The following SLC28A2 variants were observed in gnomAD, a reference collection of about 807,000 sequenced individuals.
SLC28A2 encodes the protein sodium/nucleoside cotransporter 2.
Under a neutral mutation model 72.9 loss-of-function variants are expected in SLC28A2, and 69 were observed. That is an observed-to-expected ratio of 0.95 (90% CI 0.78 to 1.16). SLC28A2 has a LOEUF of 1.16. Ranked by LOEUF, SLC28A2 falls within the 50% of genes most tolerant of loss-of-function variation. The pLI, the probability that SLC28A2 is intolerant of heterozygous loss-of-function variation, is 0.00. For synonymous variants in SLC28A2, 296 were observed against 294.1 expected, an observed-to-expected ratio of 1.01 and a Z score of -0.07; for missense variants, 745 against 791.1, an observed-to-expected ratio of 0.94 and a Z score of 0.70.
At chr15:45,266,413 C>A (rs746398018) in intron 10 of SLC28A2, among the ~76,000 whole-genome samples, 4 of 152,126 alleles carry the variant, frequency 2.6e-5, no homozygotes, top group Admixed American at 2.6e-4. Flanking sequence ...ACACTTCCTA[C>A]GTAGGAATGT....
At chr15:45,258,071 A>G (rs937666310) in intron 3 of SLC28A2, among the ~76,000 whole-genome samples, 1 of 152,078 alleles carries the variant, frequency 6.6e-6, no homozygotes, top group Non-Finnish European at 1.5e-5. Flanking sequence ...TAAAAATACA[A>G]AAATATGTGG....
At chr15:45,265,713 C>A in intron 9 of SLC28A2, 50 bp downstream of exon 9, 3 of 1,288,898 alleles carry the variant, frequency 2.3e-6, no homozygotes, top group Non-Finnish European at 2.3e-6. Context: ...ATCCTGTCAT[C>A]AGTCAGCTTT....
chr15:45,275,517 T>G lies in SLC28A2; in HGVS notation c.*4T>G. The stretch of plus-strand genomic sequence containing the variant: ...CAACAATACCGTCTGTGCCTAAGGC[T>G]GCTTGATCTATTTCTATAACAGTTT... On this transcript the variant is annotated 3_prime_UTR_variant, in exon 18 of 18. Coordinates refer to ENST00000347644, the MANE Select transcript of SLC28A2 (RefSeq NM_004212.4). The G allele has an allele frequency of 1.3e-6, 2 of 1,540,728 alleles. No individual in the cohort carries two copies. The highest frequency in any genetic ancestry group is 1.7e-4 in the Middle Eastern group (1 of 5,920).
chr15:45,256,391 C>G (rs769456341), intron 3 of SLC28A2, among the ~76,000 whole-genome samples: 7 of 151,838 alleles, frequency 4.6e-5, no homozygotes, highest in Non-Finnish European at 8.8e-5. Context: ...ATTTGCCTTA[C>G]TTTCCATATT....
intron 17 of SLC28A2, among the ~76,000 whole-genome samples, chr15:45,274,020 G>A (rs1452424715): frequency 6.6e-6 from 1 of 151,992 alleles, no homozygotes; most frequent in Non-Finnish European, 1.5e-5. Flanking sequence ...TGAACTCCTG[G>A]ACTCAAGGGA....
At position 45,253,518 on chromosome 15, in the gene SLC28A2, G is replaced by C. The variant is rs1333114277; in HGVS notation, c.168G>C (p.Gln56His). Reference protein sequence around the residue: ...LGDGLGPSTYQRRSRWPFSKA... With the variant: ...LGDGLGPSTYHRRSRWPFSKA... ...ATGGACTGGGCCCTTCCACTTACCAGAGGTACTGGTGTTTTGGAATCTTGT... is the reference window on the plus strand; with the variant it reads ...ATGGACTGGGCCCTTCCACTTACCACAGGTACTGGTGTTTTGGAATCTTGT... The change falls in exon 3 of 18, where the codon CAG becomes CAC. Residue 56 changes from glutamine to histidine, a missense_variant and splice_region_variant. Coordinates refer to ENST00000347644, the MANE Select transcript of SLC28A2 (RefSeq NM_004212.4). 1 of 1,607,432 alleles carries C rather than the reference G, an allele frequency of 6.2e-7. No homozygotes were observed. The highest frequency in any genetic ancestry group is 1.1e-5 in the South Asian group (1 of 90,874).
chr15:45,264,832 G>A (rs1466508235), intron 7 of SLC28A2, 64 bp downstream of exon 7: 8 of 1,024,994 alleles, frequency 7.8e-6, no homozygotes, highest in Admixed American at 3.5e-5. Flanking sequence ...GATTTGAGAG[G>A]AGCATGAGAA....
rs773009665 is a variant in SLC28A2, at chr15:45,268,228, G to T, written c.1218G>T (p.Leu406=). The T allele has an allele frequency of 6.2e-7, 1 of 1,606,094 alleles. No homozygotes were observed. Among genetic ancestry groups the T allele is most frequent in the Admixed American group, 1.7e-5 (1 of 59,854 alleles). Reference sequence around the variant, plus strand: ...ACCACAGGAAGGAGAGGAATGTCCTGGAAGCTGCCAGCAACGGAGCCGTAG... The same window carrying T: ...ACCACAGGAAGGAGAGGAATGTCCTTGAAGCTGCCAGCAACGGAGCCGTAG... ...KLPRGKERNV[L]EAASNGAVDA... is the part of the protein sequence containing the mutation. The change falls in exon 13 of 18, where the codon CTG becomes CTT. Residue 406 remains leucine (L), a synonymous_variant. Coordinates refer to ENST00000347644, the MANE Select transcript of SLC28A2 (RefSeq NM_004212.4).
chr15:45,262,173 T>A, intron 4 of SLC28A2, 67 bp downstream of exon 4: 1 of 1,137,262 alleles, frequency 8.8e-7, no homozygotes, highest in Non-Finnish European at 1.3e-6. Context: ...TGTGTCAAGG[T>A]GATTACCAGG....
Position 45,268,232 on chromosome 15 carries a change from G to A in SLC28A2, c.1222G>A (p.Ala408Thr), listed in dbSNP as rs1175021517. The stretch of plus-strand genomic sequence containing the variant: ...CAGGAAGGAGAGGAATGTCCTGGAA[G>A]CTGCCAGCAACGGAGCCGTAGATGC... ...PRGKERNVLEAASNGAVDAIG... is the reference protein window; with the variant it reads ...PRGKERNVLETASNGAVDAIG... Residue 408 changes from alanine to threonine, a missense_variant, in exon 13 of 18, where the codon GCT (alanine) becomes ACT (threonine). Coordinates refer to ENST00000347644, the MANE Select transcript of SLC28A2 (RefSeq NM_004212.4). 6.2e-7 allele frequency: 1 copy of A among 1,607,718 alleles called. No individual in the cohort carries two copies. Among genetic ancestry groups the A allele is most frequent in the South Asian group, 1.1e-5 (1 of 90,926 alleles).
Position 45,272,767 on chromosome 15 carries a change from C to A in SLC28A2, c.1842C>A (p.Cys614Ter). Residue 614 changes from cysteine (C) to a stop codon, truncating the protein, a stop_gained, in exon 17 of 18, where the codon TGC becomes TGA. Coordinates refer to ENST00000347644, the MANE Select transcript of SLC28A2 (RefSeq NM_004212.4). LOFTEE classifies it high-confidence loss of function. ...TNRTYETYMCCRGLFQSTSLN... is the reference protein window; with the variant it reads ...TNRTYETYMC ...GAACCTATGAGACCTACATGTGCTG[C>A]AGAGGGCTCTTTCAGAGGTGAGCAC... 6.2e-7 allele frequency: 1 copy of A among 1,601,926 alleles called. No homozygotes were observed. The highest frequency in any genetic ancestry group is 8.6e-7 in the Non-Finnish European group (1 of 1,168,882).
chr15:45,274,633 G>C (rs1430339940), intron 17 of SLC28A2, among the ~76,000 whole-genome samples: 1 of 152,162 alleles, frequency 6.6e-6, no homozygotes, highest in Non-Finnish European at 1.5e-5. Flanking sequence ...CCTGTGTTTG[G>C]AGGTTATCAT....
At chr15:45,263,013 T>C (rs1397366667) in intron 4 of SLC28A2, 48 bp from the exon 5 acceptor site, 2 of 1,517,962 alleles carry the variant, frequency 1.3e-6, no homozygotes, top group East Asian at 2.3e-5. Context: ...CATTTGCCCA[T>C]TGGAAGCACT....
intron 3 of SLC28A2, among the ~76,000 whole-genome samples, chr15:45,259,654 C>A (rs996476409): frequency 2.2e-4 from 33 of 152,076 alleles, no homozygotes; most frequent in Admixed American, 1.4e-3. Flanking sequence ...CTATTATGGG[C>A]CGGGCACTTG....
chr15:45,270,457 T>A (rs1466985812), intron 15 of SLC28A2, among the ~76,000 whole-genome samples, 181 bp downstream of exon 15: 2 of 152,216 alleles, frequency 1.3e-5, no homozygotes, highest in African/African-American at 4.8e-5. Context: ...GGCTAATGCA[T>A]ACAGCCCTTT....
intron 14 of SLC28A2, 23 bp downstream of exon 14, chr15:45,269,558 T>G (rs751484347): frequency 1.3e-6 from 2 of 1,596,848 alleles, no homozygotes; most frequent in East Asian, 4.5e-5. Flanking sequence ...CCAAAAAGCA[T>G]AAACACCGTG....
At chr15:45,265,260 C>A in intron 8 of SLC28A2, 94 bp downstream of exon 8, 1 of 860,842 alleles carries the variant, frequency 1.2e-6, no homozygotes, top group Non-Finnish European at 2.0e-6. Context: ...ATCAGCGCCC[C>A]TGTATACCAA....
At chr15:45,266,055 T>C (rs1900323856) in intron 9 of SLC28A2, 26 bp from the exon 10 acceptor site, 1 of 1,506,726 alleles carries the variant, frequency 6.6e-7, no homozygotes, top group Admixed American at 1.7e-5. Flanking sequence ...CTAACATTAA[T>C]GGTTTAGGTT....
intron 10 of SLC28A2, 22 bp from the exon 11 acceptor site, chr15:45,267,429 TCTGA>T (rs1219930794): frequency 2.5e-6 from 4 of 1,613,804 alleles, no homozygotes; most frequent in South Asian, 1.1e-5. Flanking sequence ...CTTCTTGGAA[TCTGA>T]CTGTTTTCTC....
Sources: gnomAD v4.1 joint callset for allele counts (sites outside exome capture counted in the v4.1 genomes callset) on GRCh38, gnomAD v4.1.1 for gene constraint, MANE v1.5 for transcripts, NCBI Gene and HGNC (gene_info 2026-07-23, HGNC 2026-07-21) for gene names.